The following ZNF804A variants were observed in gnomAD, a reference collection of about 807,000 sequenced individuals.
ZNF804A encodes the protein zinc finger protein 804A.
A neutral mutation model predicts 16.5 loss-of-function variants in ZNF804A; 2 were observed. The observed-to-expected ratio is 0.12, with a 90% CI of 0.05 to 0.38. The LOEUF (loss-of-function observed/expected upper bound fraction) is 0.38, where lower values mean the gene tolerates loss of function less well. Ranked by LOEUF, ZNF804A falls within the 10% of genes least tolerant of loss-of-function variation. ZNF804A has a pLI of 0.99. For synonymous variants in ZNF804A, 534 were observed against 489.6 expected, an observed-to-expected ratio of 1.09 and a Z score of -1.20; for missense variants, 1,473 against 1,390.7, an observed-to-expected ratio of 1.06 and a Z score of -0.94.
chr2:184,694,847 G>A (rs928803394), intron 1 of ZNF804A, among the ~76,000 whole-genome samples: 1 of 152,186 alleles, frequency 6.6e-6, no homozygotes, highest in African/African-American at 2.4e-5. Context: ...AGGGCAGAAG[G>A]AGCTAGGCAA....
At chr2:184,732,606 A>T (rs1693537993) in intron 1 of ZNF804A, among the ~76,000 whole-genome samples, 1 of 152,142 alleles carries the variant, frequency 6.6e-6, no homozygotes, top group Non-Finnish European at 1.5e-5. Flanking sequence ...TTAATCTGTA[A>T]ATCAACTTGG....
chr2:184,825,038 A>G (rs1695137971), intron 1 of ZNF804A, among the ~76,000 whole-genome samples: 3 of 152,176 alleles, frequency 2.0e-5, no homozygotes, highest in African/African-American at 7.2e-5. Flanking sequence ...TGATGAGCAT[A>G]TGAAATGTGA....
rs966343782 is a variant in ZNF804A at position 184,729,369 on chromosome 2, C to T, written c.111+130299C>T. ...TTCCTGAAATTAAAGGGTCTCAGCT[C>T]AGTAAGAAATACCTCATGATCTCCC... On this transcript the variant is annotated intron_variant, in intron 1 of 3. Coordinates refer to ENST00000302277, the MANE Select transcript of ZNF804A (RefSeq NM_194250.2). Among the ~76,000 whole-genome samples, 4 of 151,616 alleles carry T rather than the reference C, an allele frequency of 2.6e-5. 1 individual carries two copies. The highest frequency in any genetic ancestry group is 5.9e-5 in the Non-Finnish European group (4 of 67,804).
intron 1 of ZNF804A, among the ~76,000 whole-genome samples, chr2:184,740,380 T>C (rs1693693811): frequency 6.6e-6 from 1 of 152,196 alleles, no homozygotes; most frequent in South Asian, 2.1e-4. Flanking sequence ...AGTGTTGGCC[T>C]CTTTACGGTG....
intron 2 of ZNF804A, among the ~76,000 whole-genome samples, chr2:184,879,381 T>C (rs2105817019): frequency 6.6e-6 from 1 of 152,168 alleles, no homozygotes; most frequent in African/African-American, 2.4e-5. Flanking sequence ...CAACCTCATT[T>C]CCAATAAACA....
At chr2:184,754,023 T>C (rs1346095073) in intron 1 of ZNF804A, among the ~76,000 whole-genome samples, 3 of 151,820 alleles carry the variant, frequency 2.0e-5, no homozygotes, top group Non-Finnish European at 4.4e-5. Flanking sequence ...TCACTCTCTC[T>C]CTATCTCCAT....
intron 2 of ZNF804A, among the ~76,000 whole-genome samples, chr2:184,912,027 A>G (rs1685367138): frequency 6.6e-6 from 1 of 151,988 alleles, no homozygotes; most frequent in African/African-American, 2.4e-5. Context: ...TCACCAAAAA[A>G]TTCACCATAA....
At chr2:184,824,905 CTG>C (rs1326165754) in intron 1 of ZNF804A, among the ~76,000 whole-genome samples, 1 of 152,032 alleles carries the variant, frequency 6.6e-6, no homozygotes, top group Non-Finnish European at 1.5e-5. Flanking sequence ...AAAGGGAAGA[CTG>C]TGACCATTTG....
rs201280366 is a variant in ZNF804A at position 184,640,222 on chromosome 2, A to AAGG, written c.111+41169_111+41171dup. On this transcript the variant is annotated intron_variant, in intron 1 of 3. Coordinates refer to ENST00000302277, the MANE Select transcript of ZNF804A (RefSeq NM_194250.2). The stretch of plus-strand genomic sequence containing the variant: ...GGAGCAGGGGAAAAGAACGAGGAAG[A>AAGG]AGGAGGAGGAGGAGGAGGAAGAGGA... Among the ~76,000 whole-genome samples the AAGG allele has an allele frequency of 2.5e-4, 38 of 151,474 alleles. No homozygotes were observed. The South Asian group carries it at 7.7e-3, about 31-fold the overall frequency.
At chr2:184,700,934 C>T (rs1460325522) in intron 1 of ZNF804A, among the ~76,000 whole-genome samples, 1 of 151,878 alleles carries the variant, frequency 6.6e-6, no homozygotes, top group Non-Finnish European at 1.5e-5. Context: ...GGATATCCAT[C>T]ACCTCAGACA....
At chr2:184,928,883 T>C (rs1685650108) in intron 2 of ZNF804A, among the ~76,000 whole-genome samples, 1 of 152,190 alleles carries the variant, frequency 6.6e-6, no homozygotes, top group Non-Finnish European at 1.5e-5. Context: ...CAGATTTTTC[T>C]CTTCATGCAG....
At chr2:184,908,941 C>T (rs1464825009) in intron 2 of ZNF804A, among the ~76,000 whole-genome samples, 1 of 152,122 alleles carries the variant, frequency 6.6e-6, no homozygotes, top group East Asian at 1.9e-4. Flanking sequence ...CTCTCCCTTG[C>T]TCTGTGACTT....
chr2:184,936,239 AGAG>A lies in ZNF804A; in HGVS notation c.845_847del (p.Glu282del), dbSNP rs570457575. The A allele has an allele frequency of 9.7e-5, 157 of 1,614,060 alleles. No homozygotes were observed. The African/African-American group carries it at 1.7e-3, about 17-fold the overall frequency. ...AGAAAACTAACTCTTTTCATCCACC[AGAG>A]GCAATGTGCAGAGACAAAGAAACTG... On this transcript the variant is annotated inframe_deletion, in exon 4 of 4. Coordinates refer to ENST00000302277, the MANE Select transcript of ZNF804A (RefSeq NM_194250.2).
chr2:184,755,661 T>C (rs1200533290), intron 1 of ZNF804A, among the ~76,000 whole-genome samples: 1 of 151,982 alleles, frequency 6.6e-6, no homozygotes, highest in East Asian at 1.9e-4. Context: ...GATTTGTGAA[T>C]AAAATGAATC....
rs149435995 is a variant in ZNF804A at position 184,651,943 on chromosome 2, T to C, written c.111+52873T>C. On this transcript the variant is annotated intron_variant, in intron 1 of 3. Transcript: ENST00000302277. ...GACTCAGCAATCTCATTACTGGATG[T>C]ATATCCAAAAGAAAAGTTGTTCTGA... Among the ~76,000 whole-genome samples, 590 of 152,234 alleles carry C rather than the reference T, an allele frequency of 3.9e-3. 1 individual carries two copies. Among genetic ancestry groups the C allele is most frequent in the Non-Finnish European group, 7.0e-3 (478 of 67,990 alleles).
At chr2:184,615,483 A>G (rs35653021) in intron 1 of ZNF804A, among the ~76,000 whole-genome samples, 2,275 of 152,246 alleles carry the variant, frequency 0.015, 28 homozygotes, top group Non-Finnish European at 0.022. Context: ...TCTCACAATT[A>G]ATTTGGATGA....
At chr2:184,933,538 A>C (rs1170865109) in intron 2 of ZNF804A, 65 bp from the exon 3 acceptor site, 1 of 1,472,854 alleles carries the variant, frequency 6.8e-7, no homozygotes, top group Admixed American at 2.5e-5. Flanking sequence ...CAACAATAAC[A>C]ATGAAACTTT....
At chr2:184,700,729 G>A (rs1419948832) in intron 1 of ZNF804A, among the ~76,000 whole-genome samples, 1 of 152,016 alleles carries the variant, frequency 6.6e-6, no homozygotes, top group Non-Finnish European at 1.5e-5. Context: ...GAAGAGGGCA[G>A]TTCTCATTTG....
chr2:184,650,193 A>G (rs1034672953), intron 1 of ZNF804A, among the ~76,000 whole-genome samples: 2 of 152,160 alleles, frequency 1.3e-5, no homozygotes, highest in African/African-American at 4.8e-5. Context: ...ATAGAAACAT[A>G]ATTAAAACCA....
Sources: allele counts gnomAD v4.1 joint callset (sites outside exome capture counted in the v4.1 genomes callset), GRCh38; gene constraint gnomAD v4.1.1; transcripts MANE v1.5; gene names NCBI Gene and HGNC (gene_info 2026-07-23, HGNC 2026-07-21).